The following AGPAT4 variants were observed in gnomAD, a reference collection of about 807,000 sequenced individuals.
The protein encoded by AGPAT4 is 1-acylglycerol-3-phosphate O-acyltransferase 4, also known as 1-acyl-sn-glycerol-3-phosphate acyltransferase delta.
In AGPAT4, 15 loss-of-function variants were observed where a neutral mutation model predicts 48.0. That is an observed-to-expected ratio of 0.31 (90% confidence interval 0.21 to 0.48). AGPAT4 has a LOEUF of 0.48. Among genes scored for constraint, AGPAT4 ranks in the 20% least tolerant of loss-of-function variants. AGPAT4 has a pLI of 0.99. For missense variants in AGPAT4, 314 were observed against 482.5 expected (o/e 0.65, Z 3.27); for synonymous variants, 178 against 198.7 (o/e 0.90, Z 0.88).
chr6:161,195,639 C>A lies in AGPAT4; in HGVS notation c.179-29222G>T, dbSNP rs1226950757. 6.6e-6 allele frequency among the ~76,000 whole-genome samples: 1 copy of A among 152,218 alleles called. No homozygotes were observed. Among genetic ancestry groups the A allele is most frequent in the African/African-American group, 2.4e-5 (1 of 41,466 alleles). ...TCAAAGCTGCAGAAGGAGAAAGAGA[C>A]CTTGCATCAGGCTGTGTCATGCCTC... On this transcript the variant is annotated intron_variant, in intron 2 of 8. Coordinates refer to ENST00000320285, the MANE Select transcript of AGPAT4 (RefSeq NM_020133.3). The surrounding 1 kb of genome is among the most constrained non-coding windows in gnomAD (Gnocchi z 5.0).
chr6:161,137,068 C>T lies in AGPAT4; in HGVS notation c.1043-434G>A, dbSNP rs1779091114. 6.6e-6 allele frequency among the ~76,000 whole-genome samples: 1 copy of T among 152,170 alleles called. No individual in the cohort carries two copies. Among genetic ancestry groups the T allele is most frequent in the African/African-American group, 2.4e-5 (1 of 41,436 alleles). On this transcript the variant is annotated intron_variant, in intron 8 of 8. Coordinates refer to ENST00000320285, the MANE Select transcript of AGPAT4 (RefSeq NM_020133.3). The surrounding 1 kb of genome is among the most constrained non-coding windows in gnomAD (Gnocchi z 6.1). ...CGCAAGAGCTCGAGTATCGAGTGCC[C>T]AACACGTTTCAGCACTGCTTTTGGT...
intron 2 of AGPAT4, among the ~76,000 whole-genome samples, chr6:161,173,624 T>C (rs988412392): frequency 1.6e-4 from 25 of 152,238 alleles, no homozygotes; most frequent in Non-Finnish European, 2.2e-4. Flanking sequence ...CAGTTTCTTT[T>C]GCTGTGCAGA....
Position 161,195,927 on chromosome 6 carries a change from C to T in AGPAT4, c.179-29510G>A, listed in dbSNP as rs1408195264. Among the ~76,000 whole-genome samples the T allele has an allele frequency of 2.0e-5, 3 of 152,166 alleles. No homozygotes were observed. Among genetic ancestry groups the T allele is most frequent in the Non-Finnish European group, 4.4e-5 (3 of 68,032 alleles). The stretch of plus-strand genomic sequence containing the variant: ...GGTCCGCTCCGATCCTATCTTTTCC[C>T]AAAGCTTCCTGACATTGATCAGGCT... On this transcript the variant is annotated intron_variant, in intron 2 of 8. Transcript: ENST00000320285. The surrounding 1 kb of genome is among the most constrained non-coding windows in gnomAD (Gnocchi z 5.0).
intron 2 of AGPAT4, among the ~76,000 whole-genome samples, chr6:161,188,138 T>C (rs1401881520): frequency 2.6e-5 from 4 of 152,242 alleles, no homozygotes; most frequent in African/African-American, 9.6e-5. Context: ...ATTAAGATGC[T>C]AAAATATACA....
rs573628334 is a variant in AGPAT4 at position 161,156,430 on chromosome 6, CATTTAGAGCCACTAA to C, written c.349-2135_349-2121del. Among the ~76,000 whole-genome samples, 6 of 152,302 alleles carry C rather than the reference CATTTAGAGCCACTAA, an allele frequency of 3.9e-5. No homozygotes were observed. The South Asian group carries it at 8.3e-4, about 21-fold the overall frequency. ...TCATTCTCTGGCCCATTCCAGATGA[CATTTAGAGCCACTAA>C]ATTTAGAGCCACTAATTAGAGCCTA... On this transcript the variant is annotated intron_variant, in intron 3 of 8. Coordinates refer to ENST00000320285, the MANE Select transcript of AGPAT4 (RefSeq NM_020133.3).
In AGPAT4 at chr6:161,144,210, C is replaced by G. The variant is rs764383670; in HGVS notation, c.843+2314G>C. On this transcript the variant is annotated intron_variant, in intron 7 of 8. Transcript: ENST00000320285. This position sits in a 1 kb window ranked among gnomAD's most constrained non-coding sequence, Gnocchi z 6.6. ...TCTTCTCGGAAGGGCAAAGGGCCAGCCTCCCAGGCCTGCTCACAGACACAT... is the reference window on the plus strand; with the variant it reads ...TCTTCTCGGAAGGGCAAAGGGCCAGGCTCCCAGGCCTGCTCACAGACACAT... 1 of 532,524 alleles carries G rather than the reference C, an allele frequency of 1.9e-6. No individual in the cohort carries two copies. Among genetic ancestry groups the G allele is most frequent in the Non-Finnish European group, 3.9e-6 (1 of 259,630 alleles). 33.0% of individuals were successfully genotyped at this position (532,524 alleles called of 1,614,324 possible). A position where few individuals can be genotyped will look rare whatever the true frequency, so the allele number is the denominator to read the frequency against.
Position 161,139,696 on chromosome 6 carries a change from A to G in AGPAT4, c.844-76T>C, listed in dbSNP as rs1378523174. The G allele has an allele frequency of 5.2e-6, 7 of 1,340,388 alleles. No individual in the cohort carries two copies. The highest frequency in any genetic ancestry group is 7.2e-6 in the Non-Finnish European group (7 of 974,808). The allele number at this position is 1,340,388 out of a possible 1,614,324, so 83.0% of individuals were successfully genotyped here. ...GGTCCCTCCCGAGGCCCTGCTTCCA[A>G]GGGAATCGCAGAGATACACAGGTGC... On this transcript the variant is annotated intron_variant, in intron 7 of 8. Transcript: ENST00000320285. The surrounding 1 kb of genome is among the most constrained non-coding windows in gnomAD (Gnocchi z 9.1).
At position 161,242,003 on chromosome 6, in the gene AGPAT4, G is replaced by C. The variant is rs1782507294; in HGVS notation, c.-89-9701C>G. Among the ~76,000 whole-genome samples the C allele has an allele frequency of 6.6e-6, 1 of 152,224 alleles. No individual in the cohort carries two copies. The highest frequency in any genetic ancestry group is 6.5e-5 in the Admixed American group (1 of 15,282). On this transcript the variant is annotated intron_variant, in intron 1 of 8. Transcript: ENST00000320285. The surrounding 1 kb of genome is among the most constrained non-coding windows in gnomAD (Gnocchi z 5.0). ...CTGCCTCAGCCTTCCAAAGTGCTGG[G>C]ATTACAGGCGTGAGCCACAGCACCT...
At chr6:161,230,149 T>G (rs755382803) in intron 2 of AGPAT4, among the ~76,000 whole-genome samples, 28 of 152,170 alleles carry the variant, frequency 1.8e-4, no homozygotes, top group Non-Finnish European at 3.8e-4. Flanking sequence ...GAGAAAAATA[T>G]CTCCACAATC....
chr6:161,256,106 T>G (rs998949252), intron 1 of AGPAT4, among the ~76,000 whole-genome samples: 3 of 152,028 alleles, frequency 2.0e-5, no homozygotes, highest in African/African-American at 7.2e-5. Context: ...GCGAGGCCGG[T>G]TGGCAGGATG....
Position 161,154,554 on chromosome 6 carries a change from G to A in AGPAT4, c.349-244C>T, listed in dbSNP as rs1160756701. ...GGGCAGGGGCACCCTGGTTCTCAGCGCAGACGGCAGGAGTCAAGAAGGCAG... is the reference window on the plus strand; with the variant it reads ...GGGCAGGGGCACCCTGGTTCTCAGCACAGACGGCAGGAGTCAAGAAGGCAG... On this transcript the variant is annotated intron_variant, in intron 3 of 8. Transcript: ENST00000320285. This position sits in a 1 kb window ranked among gnomAD's most constrained non-coding sequence, Gnocchi z 7.8. Among the ~76,000 whole-genome samples, 3 of 152,146 alleles carry A rather than the reference G, an allele frequency of 2.0e-5. No individual in the cohort carries two copies. Among genetic ancestry groups the A allele is most frequent in the Non-Finnish European group, 4.4e-5 (3 of 68,022 alleles).
intron 2 of AGPAT4, among the ~76,000 whole-genome samples, chr6:161,203,568 T>C (rs947428913): frequency 1.6e-4 from 24 of 151,912 alleles, no homozygotes. Flanking sequence ...TTTGTATTTT[T>C]GTATTTTTAG....
chr6:161,218,338 A>G lies in AGPAT4; in HGVS notation c.178+13698T>C, dbSNP rs1033764842. ...GTGCCAAGCTATCTATATGAAATCA[A>G]TGAAGAAGAAGTTGGGAAGAGATTA... On this transcript the variant is annotated intron_variant, in intron 2 of 8. Transcript: ENST00000320285. This position sits in a 1 kb window ranked among gnomAD's most constrained non-coding sequence, Gnocchi z 4.7. Among the ~76,000 whole-genome samples, 2 of 152,214 alleles carry G rather than the reference A, an allele frequency of 1.3e-5. No homozygotes were observed. The highest frequency in any genetic ancestry group is 4.8e-5 in the African/African-American group (2 of 41,460).
In AGPAT4 at chr6:161,215,623, G is replaced by A. The variant is rs1369964842; in HGVS notation, c.178+16413C>T. 1.3e-5 allele frequency among the ~76,000 whole-genome samples: 2 copies of A among 151,428 alleles called. No individual in the cohort carries two copies. Among genetic ancestry groups the A allele is most frequent in the African/African-American group, 2.4e-5 (1 of 41,146 alleles). On this transcript the variant is annotated intron_variant, in intron 2 of 8. Transcript: ENST00000320285. This position sits in a 1 kb window ranked among gnomAD's most constrained non-coding sequence, Gnocchi z 4.5. ...TCTAGTCTTTATATTCTGAAGCCTA[G>A]CACATGCTTGAAACACTGATATCCT... is the stretch of plus-strand genomic sequence containing the variant.
At position 161,238,097 on chromosome 6, in the gene AGPAT4, G is replaced by A. The variant is rs1240597562; in HGVS notation, c.-89-5795C>T. ...GGGTAATGGGGGGGTTGGGGGGCGG[G>A]AGGCAGAATGCAGCATAGTTGTTGG... On this transcript the variant is annotated intron_variant, in intron 1 of 8. Coordinates refer to ENST00000320285, the MANE Select transcript of AGPAT4 (RefSeq NM_020133.3). This position sits in a 1 kb window ranked among gnomAD's most constrained non-coding sequence, Gnocchi z 5.2. Among the ~76,000 whole-genome samples, 3 of 145,842 alleles carry A rather than the reference G, an allele frequency of 2.1e-5. No homozygotes were observed. The highest frequency in any genetic ancestry group is 4.5e-5 in the Non-Finnish European group (3 of 66,426).
chr6:161,148,944 A>G lies in AGPAT4; in HGVS notation c.767+243T>C, dbSNP rs1171152245. ...AAATAATTATAAAATACAGCCTTCC[A>G]TTTGTTCAACCTAAGCTCTTTGATA... On this transcript the variant is annotated intron_variant, in intron 6 of 8. Coordinates refer to ENST00000320285, the MANE Select transcript of AGPAT4 (RefSeq NM_020133.3). This position sits in a 1 kb window ranked among gnomAD's most constrained non-coding sequence, Gnocchi z 5.5. 6.6e-6 allele frequency among the ~76,000 whole-genome samples: 1 copy of G among 152,226 alleles called. No individual in the cohort carries two copies. Among genetic ancestry groups the G allele is most frequent in the Non-Finnish European group, 1.5e-5 (1 of 68,040 alleles).
At chr6:161,260,720 C>A (rs1427374772) in intron 1 of AGPAT4, among the ~76,000 whole-genome samples, 3 of 147,166 alleles carry the variant, frequency 2.0e-5, no homozygotes, top group African/African-American at 7.5e-5. Context: ...AACTCCCTCT[C>A]TACACAAAAT....
In AGPAT4 at chr6:161,197,311, A is replaced by G. The variant is rs1291778466; in HGVS notation, c.179-30894T>C. ...AGGGACATTAAAGAACTAGCGTTCC[A>G]TAAAACAGTTTGGGAAATACTGCTC... On this transcript the variant is annotated intron_variant, in intron 2 of 8. Transcript: ENST00000320285. This position sits in a 1 kb window ranked among gnomAD's most constrained non-coding sequence, Gnocchi z 5.7. Among the ~76,000 whole-genome samples the G allele has an allele frequency of 6.6e-6, 1 of 152,250 alleles. No homozygotes were observed. Among genetic ancestry groups the G allele is most frequent in the Non-Finnish European group, 1.5e-5 (1 of 68,044 alleles).
chr6:161,265,167 G>A (rs112521940), intron 1 of AGPAT4, among the ~76,000 whole-genome samples: 1 of 131,306 alleles, frequency 7.6e-6, no homozygotes, highest in Admixed American at 7.8e-5. Flanking sequence ...ACTGGGTGCT[G>A]ATTAGTACCC....
Sources: allele counts gnomAD v4.1 joint callset (sites outside exome capture counted in the v4.1 genomes callset), GRCh38; gene constraint gnomAD v4.1.1; non-coding constraint Gnocchi (gnomAD v3.1); transcripts MANE v1.5; gene names NCBI Gene and HGNC (gene_info 2026-07-23, HGNC 2026-07-21).